Variants in CCDC180 observed in about 807,000 individuals in gnomAD.
The protein encoded by CCDC180 is coiled-coil domain containing 180.
CCDC180 carries 154 observed loss-of-function variants against 209.2 expected under a neutral mutation model. The ratio of observed to expected loss-of-function variants is 0.74; its 90% CI spans 0.65 to 0.84. The LOEUF (loss-of-function observed/expected upper bound fraction) is 0.84, where lower values mean the gene tolerates loss of function less well. Among genes scored for constraint, CCDC180 ranks in the 40% least tolerant of loss-of-function variants. The pLI is 0.00. For missense variants in CCDC180, 1,874 were observed against 1,997.3 expected (o/e 0.94, Z 1.18); for synonymous variants, 778 against 749.1 (o/e 1.04, Z -0.63).
In CCDC180 at chr9:97,359,972, T is replaced by C; in HGVS notation, c.3364-10T>C. The C allele has an allele frequency of 1.9e-6, 3 of 1,613,344 alleles. No individual in the cohort carries two copies. Among genetic ancestry groups the C allele is most frequent in the Non-Finnish European group, 1.7e-6 (2 of 1,179,600 alleles). Reference sequence around the variant, plus strand: ...TTCCTTGGGGCTTTCTTCCTCCCTTTTCTCACCAGACAGTGACCACAGAAG... The same window carrying C: ...TTCCTTGGGGCTTTCTTCCTCCCTTCTCTCACCAGACAGTGACCACAGAAG... On this transcript the variant is annotated splice_polypyrimidine_tract_variant and intron_variant, in intron 25 of 36. Coordinates refer to ENST00000529487, the MANE Select transcript of CCDC180 (RefSeq NM_020893.6).
chr9:97,315,463 C>G (rs1833138262), intron 8 of CCDC180, among the ~76,000 whole-genome samples: 1 of 152,142 alleles, frequency 6.6e-6, no homozygotes. Context: ...ACTGCTTTCC[C>G]CTGTCCATGC....
At chr9:97,324,978 T>C in intron 13 of CCDC180, 41 bp from the exon 14 acceptor site, 2 of 1,589,280 alleles carry the variant, frequency 1.3e-6, no homozygotes, top group Non-Finnish European at 1.7e-6. Flanking sequence ...GCCCTGGGAC[T>C]GTCAGCCCTT....
At chr9:97,355,920 T>G (rs1271702299) in intron 24 of CCDC180, among the ~76,000 whole-genome samples, 1 of 150,312 alleles carries the variant, frequency 6.7e-6, no homozygotes, top group Non-Finnish European at 1.5e-5. Context: ...TGAGGGAGAG[T>G]GGGGAGCTCT....
rs767292392 is a variant in CCDC180, at chr9:97,366,572, A to C, written c.4061A>C (p.Lys1354Thr). The C allele has an allele frequency of 2.4e-5, 38 of 1,613,986 alleles. No homozygotes were observed. Among genetic ancestry groups the C allele is most frequent in the Non-Finnish European group, 3.2e-5 (38 of 1,180,004 alleles). The change falls in exon 31 of 37, where the codon AAA (lysine) becomes ACA (threonine). Residue 1354 changes from lysine to threonine, a missense_variant. Lys to Thr is a moderately conservative substitution (Grantham distance 78). Coordinates refer to ENST00000529487, the MANE Select transcript of CCDC180 (RefSeq NM_020893.6). The surrounding 1 kb of genome is among the most constrained non-coding windows in gnomAD (Gnocchi z 4.3). ...CCTCTCTGGCAGGAGTTCTACCGTAAAGAAAAACGCCCAGTCACCAGGCCT... is the reference window on the plus strand; with the variant it reads ...CCTCTCTGGCAGGAGTTCTACCGTACAGAAAAACGCCCAGTCACCAGGCCT... ...LLTVAEEFYR[K>T]EKRPVTRPDC...
At chr9:97,308,970 A>G (rs1295572387) in intron 2 of CCDC180, among the ~76,000 whole-genome samples, 7 of 152,150 alleles carry the variant, frequency 4.6e-5, no homozygotes, top group African/African-American at 1.4e-4. Context: ...ATAATTCTAT[A>G]ATTTCTAATG....
At chr9:97,352,192 A>G (rs925559947) in intron 22 of CCDC180, among the ~76,000 whole-genome samples, 13 of 152,354 alleles carry the variant, frequency 8.5e-5, no homozygotes, top group South Asian at 4.1e-4. Flanking sequence ...ATTTATTAAC[A>G]TGCAAGTGTG....
At chr9:97,341,363 G>A (rs954801599) in intron 18 of CCDC180, among the ~76,000 whole-genome samples, 2 of 152,222 alleles carry the variant, frequency 1.3e-5, no homozygotes, top group Admixed American at 1.3e-4. Context: ...GACCCTGTGG[G>A]GCTGGACCCT....
intron 18 of CCDC180, among the ~76,000 whole-genome samples, chr9:97,340,029 C>T (rs1023753337): frequency 2.6e-5 from 4 of 152,204 alleles, no homozygotes; most frequent in Non-Finnish European, 4.4e-5. Context: ...AAGATCTTCT[C>T]TACACTGTTT....
At position 97,325,130 on chromosome 9, in the gene CCDC180, C is replaced by G; in HGVS notation, c.1483C>G (p.Gln495Glu). Residue 495 changes from glutamine to glutamate, a missense_variant, in exon 14 of 37, where the codon CAG (glutamine) becomes GAG (glutamate). Physicochemically the swap from Gln to Glu is conservative, Grantham distance 29 (BLOSUM62 2). Coordinates refer to ENST00000529487, the MANE Select transcript of CCDC180 (RefSeq NM_020893.6). ...GGCACACCAGAGCGAGCTGTTGGTG[C>G]AGGAGCTGGAGCTGGAGAAGAGGAT... ...WEAHQSELLV[Q>E]ELELEKRMEQ... The G allele has an allele frequency of 6.2e-7, 1 of 1,612,840 alleles. No homozygotes were observed. Among genetic ancestry groups the G allele is most frequent in the South Asian group, 1.1e-5 (1 of 90,680 alleles).
chr9:97,354,909 C>T lies in CCDC180; in HGVS notation c.3165C>T (p.Asn1055=), dbSNP rs1454817647. 2 of 1,613,532 alleles carry T rather than the reference C, an allele frequency of 1.2e-6. No individual in the cohort carries two copies. The highest frequency in any genetic ancestry group is 2.7e-5 in the African/African-American group (2 of 74,938). ...EYLDQANDVI[N]KFESKFHNLS... ...CTGTACAGGCCAATGATGTCATCAA[C>T]AAGTTTGAAAGCAAATTCCATAACC... The change falls in exon 24 of 37, where the codon AAC becomes AAT. Residue 1055 remains asparagine, a synonymous_variant. Coordinates refer to ENST00000529487, the MANE Select transcript of CCDC180 (RefSeq NM_020893.6).
chr9:97,347,405 C>G lies in CCDC180; in HGVS notation c.2590C>G (p.Leu864Val), dbSNP rs1273927345. 3 of 1,536,112 alleles carry G rather than the reference C, an allele frequency of 2.0e-6. No individual in the cohort carries two copies. The East Asian group carries it at 7.3e-5, about 38-fold the overall frequency. The change falls in exon 20 of 37, where the codon CTG (leucine) becomes GTG (valine). Residue 864 changes from leucine to valine, a missense_variant. Physicochemically the swap from Leu to Val is conservative, Grantham distance 32 (BLOSUM62 1). Transcript: ENST00000529487. ...CACCGTGGCCACCAAAATCAATGAG[C>G]TGGATTCAGAACTGGAGCTGCATCT... ...RVTVATKINE[L>V]DSELELHLHL...
intron 8 of CCDC180, among the ~76,000 whole-genome samples, chr9:97,315,476 C>G (rs1564146995): frequency 1.3e-5 from 2 of 152,160 alleles, no homozygotes; most frequent in African/African-American, 4.8e-5. Context: ...GTCCATGCCC[C>G]TAGCACCCCT....
At chr9:97,350,769 C>T (rs1826401224) in intron 22 of CCDC180, among the ~76,000 whole-genome samples, 2 of 152,192 alleles carry the variant, frequency 1.3e-5, no homozygotes, top group Non-Finnish European at 2.9e-5. Context: ...TTTTCATCTT[C>T]CCAAACTGAA....
intron 18 of CCDC180, among the ~76,000 whole-genome samples, chr9:97,333,046 G>A (rs1587802874): frequency 6.6e-6 from 1 of 152,100 alleles, no homozygotes; most frequent in East Asian, 1.9e-4. Flanking sequence ...TTCTTTCAAT[G>A]CCTAGTTTGT....
chr9:97,313,656 A>G (rs1029494787), intron 5 of CCDC180, among the ~76,000 whole-genome samples: 2 of 152,328 alleles, frequency 1.3e-5, no homozygotes, highest in South Asian at 4.1e-4. Flanking sequence ...CAGGTCTGAC[A>G]CCAAAGCCTA....
intron 19 of CCDC180, 147 bp from the exon 20 acceptor site, chr9:97,347,167 G>C: frequency 1.4e-6 from 1 of 709,798 alleles, no homozygotes; most frequent in South Asian, 1.9e-5. Flanking sequence ...AAAGAGTAAT[G>C]GTCCATTTAC....
At chr9:97,307,395 G>A (rs570212559), upstream of CCDC180, 14 of 537,578 alleles carry the variant, frequency 2.6e-5, no homozygotes, top group East Asian at 6.4e-4. Flanking sequence ...GCGGGGACGC[G>A]GCCAGGCCGG....
In CCDC180 at chr9:97,354,710, C is replaced by T; in HGVS notation, c.3144C>T (p.Asp1048=). 1 of 1,614,184 alleles carries T rather than the reference C, an allele frequency of 6.2e-7. No individual in the cohort carries two copies. The highest frequency in any genetic ancestry group is 8.5e-7 in the Non-Finnish European group (1 of 1,180,032). ...NMEKLENEYL[D]QANDVINKFE... ...AGAAGTTGGAGAATGAGTACCTGGA[C>T]CAGGTAGGGCCCCCAGCCAGGCCCC... The change falls in exon 23 of 37, where the codon GAC becomes GAT. Residue 1048 remains aspartate (D), a synonymous_variant. Coordinates refer to ENST00000529487, the MANE Select transcript of CCDC180 (RefSeq NM_020893.6).
At position 97,375,571 on chromosome 9, in the gene CCDC180, C is replaced by T. The variant is rs1326639244; in HGVS notation, c.4824C>T (p.Ala1608=). The part of the protein sequence containing the change: ...TTLGHLAAVE[A]RDAVYLKYLA... ...TGGGCCACCTGGCGGCCGTGGAAGC[C>T]CGAGATGCTGTGTACCTGGTGAGAC... The change falls in exon 36 of 37, where the codon GCC becomes GCT. Residue 1608 remains alanine, a synonymous_variant. Coordinates refer to ENST00000529487, the MANE Select transcript of CCDC180 (RefSeq NM_020893.6). 1 of 1,614,226 alleles carries T rather than the reference C, an allele frequency of 6.2e-7. No homozygotes were observed. Among genetic ancestry groups the T allele is most frequent in the African/African-American group, 1.3e-5 (1 of 75,068 alleles).
Sources: gnomAD v4.1 joint callset for allele counts (sites outside exome capture counted in the v4.1 genomes callset) on GRCh38, gnomAD v4.1.1 for gene constraint, Gnocchi (gnomAD v3.1) non-coding constraint, MANE v1.5 for transcripts, NCBI Gene and HGNC (gene_info 2026-07-23, HGNC 2026-07-21) for gene names.